The following ENDOV variants were observed in gnomAD, a reference collection of about 807,000 sequenced individuals.
ENDOV encodes endonuclease V, also known as hEndoV.
ENDOV carries 37 observed loss-of-function variants against 39.4 expected under a neutral mutation model. That is an observed-to-expected ratio of 0.94 (90% confidence interval 0.72 to 1.23). The LOEUF is 1.23. Among genes scored for constraint, ENDOV ranks in the 50% most tolerant of loss-of-function variants. The pLI is 0.00. For synonymous variants in ENDOV, 186 were observed against 163.4 expected, an observed-to-expected ratio of 1.14 and a Z score of -1.05; for missense variants, 441 against 375.7, an observed-to-expected ratio of 1.17 and a Z score of -1.44.
In ENDOV at chr17:80,424,151, A is replaced by G. The variant is rs995263594; in HGVS notation, c.516+519A>G. ...TGGCACTGGGAGTGAGACACTCACA[A>G]TGGAGGGAGCTGTTGACACCCCCAG... On this transcript the variant is annotated intron_variant, in intron 5 of 9. Transcript: ENST00000518137. 11 of 399,138 alleles carry G rather than the reference A, an allele frequency of 2.8e-5. No individual in the cohort carries two copies. In the Admixed American group the frequency reaches 3.9e-4, roughly 14 times the overall value. The allele number at this position is 399,138 out of a possible 1,614,324, so 24.7% of individuals were successfully genotyped here.
At chr17:80,430,203 G>A (rs1774347108) in intron 9 of ENDOV, 1 of 1,473,216 alleles carries the variant, frequency 6.8e-7, no homozygotes. Flanking sequence ...ATCTCTATGG[G>A]GGCAAGTGCC....
At chr17:80,423,338 A>G (rs1052605900) in intron 4 of ENDOV, among the ~76,000 whole-genome samples, 182 bp from the exon 5 acceptor site, 13 of 152,260 alleles carry the variant, frequency 8.5e-5, no homozygotes, top group African/African-American at 1.7e-4. Context: ...CACCCAGGAC[A>G]TCGGGCACAG....
chr17:80,423,855 T>C, intron 5 of ENDOV: 1 of 549,382 alleles, frequency 1.8e-6, no homozygotes, highest in Non-Finnish European at 3.2e-6. Context: ...TGGGTGTGCC[T>C]GCCTCTCTGG....
chr17:80,425,911 T>G (rs1187576960), intron 7 of ENDOV, among the ~76,000 whole-genome samples: 1 of 152,126 alleles, frequency 6.6e-6, no homozygotes, highest in Non-Finnish European at 1.5e-5. Flanking sequence ...ACAGGCCAGC[T>G]TGGAGAATCA....
At chr17:80,435,599 C>T (rs1021313277) in intron 9 of ENDOV, among the ~76,000 whole-genome samples, 5 of 152,020 alleles carry the variant, frequency 3.3e-5, no homozygotes, top group African/African-American at 1.2e-4. Flanking sequence ...GGACTACAAG[C>T]ATGTGCCACC....
At chr17:80,417,538 T>G (rs1051134533) in intron 2 of ENDOV, 3 of 152,246 alleles carry the variant, frequency 2.0e-5, no homozygotes, top group Non-Finnish European at 1.5e-5. Flanking sequence ...GCAATCAGGT[T>G]GTGGTGACGG....
chr17:80,436,200 A>G lies in ENDOV; in HGVS notation c.*57A>G, dbSNP rs1313651234. 6.3e-7 allele frequency: 1 copy of G among 1,586,212 alleles called. No homozygotes were observed. Among genetic ancestry groups the G allele is most frequent in the South Asian group, 1.1e-5 (1 of 86,970 alleles). On this transcript the variant is annotated 3_prime_UTR_variant, in exon 10 of 10. Transcript: ENST00000518137. ...ATTCCTGATCGAACGCGGTGGTGAG[A>G]GCACACGTCCTCGTCTCGTTCCTGA...
At chr17:80,422,368 G>A in intron 4 of ENDOV, 123 bp downstream of exon 4, 1 of 1,219,118 alleles carries the variant, frequency 8.2e-7, no homozygotes, top group Non-Finnish European at 1.2e-6. Flanking sequence ...CCCTCCAATG[G>A]CTTCTTTCTC....
chr17:80,417,877 C>T (rs1315231300), intron 2 of ENDOV: 1 of 152,214 alleles, frequency 6.6e-6, no homozygotes, highest in Non-Finnish European at 1.5e-5. Context: ...GCTCATGATT[C>T]ACATAAGAGT....
chr17:80,427,797 G>C, intron 7 of ENDOV: 1 of 1,288,974 alleles, frequency 7.8e-7, no homozygotes, highest in Non-Finnish European at 1.0e-6. Flanking sequence ...CGGCGCTCCT[G>C]GTTGCCAGGT....
At position 80,436,206 on chromosome 17, in the gene ENDOV, C is replaced by T. The variant is rs771651833; in HGVS notation, c.*63C>T. ...GATCGAACGCGGTGGTGAGAGCACA[C>T]GTCCTCGTCTCGTTCCTGATCGAAC... On this transcript the variant is annotated 3_prime_UTR_variant, in exon 10 of 10. Transcript: ENST00000518137. The T allele has an allele frequency of 8.8e-6, 14 of 1,585,600 alleles. No homozygotes were observed. The highest frequency in any genetic ancestry group is 2.3e-5 in the South Asian group (2 of 86,930).
chr17:80,421,359 A>G (rs1884669911), intron 2 of ENDOV, among the ~76,000 whole-genome samples: 1 of 139,100 alleles, frequency 7.2e-6, no homozygotes, highest in Non-Finnish European at 1.6e-5. Context: ...GGCTCCTCAT[A>G]CAGACCAGAT....
Position 80,425,049 on chromosome 17 carries a change from T to C in ENDOV, c.534T>C (p.Thr178=). 1 of 1,612,544 alleles carries C rather than the reference T, an allele frequency of 6.2e-7. No homozygotes were observed. Among genetic ancestry groups the C allele is most frequent in the Non-Finnish European group, 8.5e-7 (1 of 1,179,392 alleles). The part of the protein sequence containing the change: ...LHKEKIRLLQ[T]RGDSFPLLGD... The stretch of plus-strand genomic sequence containing the variant: ...TTTTCCAGATCCGACTCCTGCAGAC[T>C]CGAGGAGACTCATTCCCTCTGCTGG... Residue 178 remains threonine (T), a synonymous_variant, in exon 6 of 10, where the codon ACT becomes ACC. Coordinates refer to ENST00000518137, the MANE Select transcript of ENDOV (RefSeq NM_173627.5).
At position 80,434,943 on chromosome 17, in the gene ENDOV, CA is replaced by C. The variant is rs1056845328; in HGVS notation, c.839-1181del. ...CCTGGGTGACAATGAGACCCTGCCT[CA>C]AAAAAAAAGTGGTATTTCATTGTGC... On this transcript the variant is annotated intron_variant, in intron 9 of 9. Transcript: ENST00000518137. Among the ~76,000 whole-genome samples the C allele has an allele frequency of 3.2e-3, 484 of 150,646 alleles. 3 individuals carry two copies. Among genetic ancestry groups the C allele is most frequent in the African/African-American group, 0.011 (451 of 41,084 alleles).
chr17:80,434,257 C>T (rs41302844), intron 9 of ENDOV, among the ~76,000 whole-genome samples: 10,467 of 152,280 alleles, frequency 0.069, 484 homozygotes, highest in Admixed American at 0.14. Flanking sequence ...TCAAGATGCA[C>T]CTGTGTCGTG....
intron 7 of ENDOV, among the ~76,000 whole-genome samples, chr17:80,426,608 G>A (rs1408151104): frequency 6.6e-6 from 1 of 152,196 alleles, no homozygotes; most frequent in Admixed American, 6.5e-5. Flanking sequence ...CCCTGATTGG[G>A]CCACTGCACT....
At chr17:80,429,884 G>T (rs755446384) in intron 9 of ENDOV, 53 bp downstream of exon 9, 107 of 1,612,334 alleles carry the variant, frequency 6.6e-5, no homozygotes, top group Non-Finnish European at 8.1e-5. Context: ...CAGCCCCAAG[G>T]CCAGGCTCCC....
chr17:80,435,985 G>A, intron 9 of ENDOV, 148 bp from the exon 10 acceptor site: 8 of 849,896 alleles, frequency 9.4e-6, no homozygotes, highest in South Asian at 1.5e-5. Context: ...CAACTCCTGG[G>A]CTCAAGCTTT....
intron 2 of ENDOV, chr17:80,419,684 TC>T (rs1372680929): frequency 8.5e-6 from 6 of 702,478 alleles, no homozygotes; most frequent in African/African-American, 5.2e-5. Flanking sequence ...GACCACACTG[TC>T]CCAAGAGGCT....
Sources: gnomAD v4.1 joint callset for allele counts (sites outside exome capture counted in the v4.1 genomes callset) on GRCh38, gnomAD v4.1.1 for gene constraint, MANE v1.5 for transcripts, NCBI Gene and HGNC (gene_info 2026-07-23, HGNC 2026-07-21) for gene names.